DNAJB4: variants seen among roughly 807,000 people sequenced by gnomAD.
DNAJB4 encodes DnaJ heat shock protein family (Hsp40) member B4.
DNAJB4 carries 10 observed loss-of-function variants against 26.6 expected under a neutral mutation model. The ratio of observed to expected loss-of-function variants is 0.38; its 90% CI spans 0.23 to 0.64. The LOEUF (loss-of-function observed/expected upper bound fraction) is 0.64. DNAJB4 is among the 30% of genes least tolerant of loss of function. The probability of loss-of-function intolerance (pLI) is 0.58; values close to 1 mark genes in which losing one functional copy is unlikely to be tolerated. For missense variants in DNAJB4, 328 were observed against 408.2 expected (o/e 0.80, Z 1.69); for synonymous variants, 136 against 134.8 (o/e 1.01, Z -0.06).
chr1:77,993,298 A>T (rs989249946), intron 1 of DNAJB4, among the ~76,000 whole-genome samples: 1 of 152,010 alleles, frequency 6.6e-6, no homozygotes, highest in Non-Finnish European at 1.5e-5. Flanking sequence ...TAGTTATAGT[A>T]TAAACTCCTT....
At chr1:77,983,834 C>T (rs2102585419) in intron 1 of DNAJB4, among the ~76,000 whole-genome samples, 1 of 152,302 alleles carries the variant, frequency 6.6e-6, no homozygotes, top group South Asian at 2.1e-4. Flanking sequence ...TGCTTTTCCC[C>T]ACAGGTTAAT....
At chr1:78,012,154 CTTTTCTTTTTTT>C (rs1475850980) in intron 1 of DNAJB4, among the ~76,000 whole-genome samples, 48 of 69,354 alleles carry the variant, frequency 6.9e-4, no homozygotes, top group Middle Eastern at 0.019. Flanking sequence ...TTTTTCTTTT[CTTTTCTTTTTTT>C]TTTTTTTTTT....
intron 1 of DNAJB4, among the ~76,000 whole-genome samples, chr1:77,992,413 A>AAG (rs2102593703): frequency 6.4e-5 from 1 of 15,636 alleles, no homozygotes; most frequent in African/African-American, 3.3e-4. Context: ...ACTCCGTCTC[A>AAG]AAAAAAAAAA....
intron 1 of DNAJB4, among the ~76,000 whole-genome samples, chr1:78,012,148 TC>T: frequency 8.8e-6 from 1 of 113,534 alleles, no homozygotes; most frequent in Non-Finnish European, 1.7e-5. Flanking sequence ...ATTTTCTTTT[TC>T]TTTTCTTTTC....
chr1:77,997,931 G>A (rs1034537389), intron 1 of DNAJB4, among the ~76,000 whole-genome samples: 1 of 151,968 alleles, frequency 6.6e-6, no homozygotes, highest in African/African-American at 2.4e-5. Context: ...GAGACCACAG[G>A]TGCACGCCAC....
At chr1:77,998,054 C>T (rs767204994) in intron 1 of DNAJB4, among the ~76,000 whole-genome samples, 18 of 152,122 alleles carry the variant, frequency 1.2e-4, no homozygotes, top group Non-Finnish European at 2.5e-4. Flanking sequence ...GGATTACAGG[C>T]GTGAGCCACC....
chr1:78,015,361 A>G (rs6656888), intron 2 of DNAJB4, among the ~76,000 whole-genome samples: 136,688 of 151,972 alleles, frequency 0.9, 61,577 homozygotes, highest in Non-Finnish European at 0.93. Context: ...CATCTTGAAT[A>G]TATTAATAGC....
intron 1 of DNAJB4, among the ~76,000 whole-genome samples, chr1:77,982,252 C>G (rs955875620): frequency 6.6e-6 from 1 of 152,190 alleles, no homozygotes; most frequent in Non-Finnish European, 1.5e-5. Flanking sequence ...TTTGGTTTTA[C>G]ATGTTGCCTC....
intron 1 of DNAJB4, among the ~76,000 whole-genome samples, chr1:78,006,440 T>G (rs1660331795): frequency 6.6e-6 from 1 of 152,206 alleles, no homozygotes; most frequent in African/African-American, 2.4e-5. Context: ...GTTATCCCTT[T>G]GATTCCTTTA....
intron 1 of DNAJB4, among the ~76,000 whole-genome samples, chr1:78,009,085 A>G (rs924465929): frequency 1.3e-5 from 2 of 152,074 alleles, no homozygotes; most frequent in African/African-American, 4.8e-5. Context: ...CTGTTCTTTA[A>G]CTTATATATT....
intron 1 of DNAJB4, among the ~76,000 whole-genome samples, chr1:77,992,165 G>C: frequency 6.6e-6 from 1 of 152,042 alleles, no homozygotes; most frequent in East Asian, 1.9e-4. Flanking sequence ...TGTAATCCCA[G>C]CACTTTGGGA....
chr1:77,986,534 C>T (rs1334481937), intron 1 of DNAJB4, among the ~76,000 whole-genome samples: 1 of 152,168 alleles, frequency 6.6e-6, no homozygotes, highest in South Asian at 2.1e-4. Context: ...ATTCTCAACT[C>T]CCACTCCCCT....
At chr1:78,008,084 G>A (rs1489865016) in intron 1 of DNAJB4, among the ~76,000 whole-genome samples, 5 of 152,174 alleles carry the variant, frequency 3.3e-5, no homozygotes, top group Admixed American at 3.3e-4. Context: ...GCTGGGTGAG[G>A]TGGCATATGC....
chr1:77,992,412 C>CAAAAAAA (rs67649336), intron 1 of DNAJB4, among the ~76,000 whole-genome samples: 10 of 47,736 alleles, frequency 2.1e-4, no homozygotes, highest in East Asian at 8.5e-4. Flanking sequence ...GACTCCGTCT[C>CAAAAAAA]AAAAAAAAAA....
At chr1:77,983,461 C>T (rs1289638726) in intron 1 of DNAJB4, among the ~76,000 whole-genome samples, 1 of 152,158 alleles carries the variant, frequency 6.6e-6, no homozygotes. Flanking sequence ...TCCCTTCCCA[C>T]GAGGCCATAT....
At chr1:78,004,528 C>T (rs1007143928), upstream of DNAJB4, 1 of 151,904 alleles carries the variant, frequency 6.6e-6, no homozygotes, top group African/African-American at 2.4e-5. Context: ...ACTTAACAGA[C>T]AAATAGCTTA....
At chr1:78,002,440 T>C (rs929065531), upstream of DNAJB4, among the ~76,000 whole-genome samples, 3 of 152,228 alleles carry the variant, frequency 2.0e-5, no homozygotes, top group Non-Finnish European at 1.5e-5. Context: ...ATCTCCAAAA[T>C]GCTATGTACT....
intron 1 of DNAJB4, chr1:77,992,714 GC>G (rs1285006001): frequency 1.3e-5 from 2 of 152,058 alleles, no homozygotes; most frequent in African/African-American, 2.4e-5. Context: ...CATCAGACAA[GC>G]AAAAACAGGT....
At chr1:78,014,455 A>G (rs1286707445) in intron 2 of DNAJB4, among the ~76,000 whole-genome samples, 3 of 152,132 alleles carry the variant, frequency 2.0e-5, no homozygotes, top group Non-Finnish European at 4.4e-5. Context: ...AAATATGGTC[A>G]TAGCAGTTCC....
Sources: allele counts gnomAD v4.1 joint callset (sites outside exome capture counted in the v4.1 genomes callset), GRCh38; gene constraint gnomAD v4.1.1; transcripts MANE v1.5; gene names NCBI Gene and HGNC (gene_info 2026-07-23, HGNC 2026-07-21).